The following NAALADL2 variants were observed in gnomAD, a reference collection of about 807,000 sequenced individuals.
NAALADL2 encodes the protein N-acetylated alpha-linked acidic dipeptidase like 2.
In NAALADL2, 76 loss-of-function variants were observed where a neutral mutation model predicts 87.2. That is an observed-to-expected ratio of 0.87 (90% confidence interval 0.72 to 1.05). NAALADL2 has a LOEUF of 1.05. Ranked by LOEUF, NAALADL2 falls within the 50% of genes least tolerant of loss-of-function variation. The pLI is 0.00. For synonymous variants in NAALADL2, 354 were observed against 331.0 expected, an observed-to-expected ratio of 1.07 and a Z score of -0.75; for missense variants, 1,089 against 945.8, an observed-to-expected ratio of 1.15 and a Z score of -1.99.
intron 1 of NAALADL2, among the ~76,000 whole-genome samples, chr3:174,452,614 C>T (rs1197632682): frequency 6.6e-6 from 1 of 152,052 alleles, no homozygotes; most frequent in African/African-American, 2.4e-5. Flanking sequence ...AAAATTGAGG[C>T]CCGATACAAG....
intron 3 of NAALADL2, among the ~76,000 whole-genome samples, chr3:175,234,698 C>A (rs1745527100): frequency 6.7e-6 from 1 of 150,180 alleles, no homozygotes; most frequent in South Asian, 2.1e-4. Context: ...AGTTCTTCAC[C>A]TTTTCTGGGT....
intron 5 of NAALADL2, among the ~76,000 whole-genome samples, chr3:175,423,028 AAT>A (rs71634273): frequency 8.1e-5 from 9 of 111,308 alleles, no homozygotes; most frequent in Middle Eastern, 5.4e-3. Flanking sequence ...GAAAAAAAAA[AAT>A]ATATATATAT....
intron 2 of NAALADL2, chr3:174,737,504 A>G (rs1444101462): frequency 6.6e-6 from 1 of 152,258 alleles, no homozygotes; most frequent in African/African-American, 2.4e-5. Flanking sequence ...AAGAAGTGAA[A>G]AATTTGTCTG....
chr3:175,486,023 A>G (rs1183965619), intron 9 of NAALADL2, among the ~76,000 whole-genome samples: 6 of 152,262 alleles, frequency 3.9e-5, no homozygotes, highest in African/African-American at 1.4e-4. Context: ...CCAGCCTTTC[A>G]GAACTGTGAG....
chr3:175,241,543 G>A (rs1344474994), intron 3 of NAALADL2, among the ~76,000 whole-genome samples: 1 of 152,000 alleles, frequency 6.6e-6, no homozygotes, highest in Non-Finnish European at 1.5e-5. Flanking sequence ...TTTCATATTT[G>A]AGAATAATAA....
intron 2 of NAALADL2, among the ~76,000 whole-genome samples, chr3:174,730,004 A>G (rs1732556445): frequency 6.6e-6 from 1 of 152,028 alleles, no homozygotes. Context: ...CTGGAGGTTG[A>G]TTCTAGAGGA....
chr3:175,763,799 C>T (rs1268907217), intron 13 of NAALADL2, among the ~76,000 whole-genome samples: 2 of 152,140 alleles, frequency 1.3e-5, no homozygotes, highest in Non-Finnish European at 2.9e-5. Flanking sequence ...AGCAGTTAAA[C>T]AGCAATAAGG....
intron 11 of NAALADL2, among the ~76,000 whole-genome samples, chr3:175,684,631 T>C (rs903148799): frequency 6.6e-6 from 1 of 151,932 alleles, no homozygotes; most frequent in African/African-American, 2.4e-5. Flanking sequence ...CCATCTCTAC[T>C]AAACAAACAA....
chr3:175,524,018 G>A (rs1001956447), intron 9 of NAALADL2, among the ~76,000 whole-genome samples: 2 of 152,104 alleles, frequency 1.3e-5, no homozygotes, highest in African/African-American at 4.8e-5. Flanking sequence ...GCTGTCACCC[G>A]ATTTCAAGGC....
intron 2 of NAALADL2, among the ~76,000 whole-genome samples, chr3:175,141,336 A>G (rs140663487): frequency 3.3e-5 from 5 of 152,088 alleles, no homozygotes; most frequent in African/African-American, 1.2e-4. Context: ...AGTTATGGGG[A>G]CCACTGTTGC....
At chr3:174,774,878 T>C (rs1206320362) in intron 3 of NAALADL2, among the ~76,000 whole-genome samples, 1 of 152,190 alleles carries the variant, frequency 6.6e-6, no homozygotes, top group Non-Finnish European at 1.5e-5. Flanking sequence ...TAAAACCTTA[T>C]GATTACACTT....
intron 5 of NAALADL2, among the ~76,000 whole-genome samples, chr3:175,422,061 G>A: frequency 6.6e-6 from 1 of 152,048 alleles, no homozygotes. Context: ...ATATTGAGGA[G>A]CCTGGATTTT....
intron 2 of NAALADL2, among the ~76,000 whole-genome samples, chr3:174,647,461 G>A (rs2108747234): frequency 6.6e-6 from 1 of 152,300 alleles, no homozygotes; most frequent in African/African-American, 2.4e-5. Context: ...AAGTAACTTG[G>A]TTTGAGCTAC....
chr3:175,077,945 C>G (rs1243266323), intron 1 of NAALADL2, among the ~76,000 whole-genome samples: 1 of 151,896 alleles, frequency 6.6e-6, no homozygotes, highest in East Asian at 1.9e-4. Context: ...ACCATTTTTG[C>G]TCTAGCCTAT....
At chr3:175,739,286 A>G (rs1347771317) in intron 12 of NAALADL2, among the ~76,000 whole-genome samples, 1 of 152,210 alleles carries the variant, frequency 6.6e-6, no homozygotes, top group Non-Finnish European at 1.5e-5. Flanking sequence ...TTTGTGGTTC[A>G]TATTTGTGAC....
In NAALADL2 at chr3:174,471,515, G is replaced by A. The variant is rs187976009; in HGVS notation, c.-184+30483G>A. Among the ~76,000 whole-genome samples the A allele has an allele frequency of 2.3e-3, 351 of 152,182 alleles. 1 individual carries two copies. Among genetic ancestry groups the A allele is most frequent in the African/African-American group, 7.7e-3 (318 of 41,552 alleles). The stretch of plus-strand genomic sequence containing the variant: ...CTGTTTTGAAACTACCTGATTGAGA[G>A]GTGATCCAGCCTATTGTTTTCTATT... On this transcript the variant is annotated intron_variant, in intron 1 of 3. Transcript: ENST00000434257.
Position 175,097,154 on chromosome 3 carries a change from T to C in NAALADL2, c.408T>C (p.Phe136=), listed in dbSNP as rs1296339327. 2.0e-5 allele frequency: 32 copies of C among 1,613,714 alleles called. No homozygotes were observed. The highest frequency in any genetic ancestry group is 2.6e-5 in the Non-Finnish European group (31 of 1,179,756). ...TACTTTGCACAGCCACCATTTTATT[T>C]ATTTTTGGGATTTTGATAGGTTATT... ...LKILCTATIL[F]IFGILIGYYV... is the part of the protein sequence containing the mutation. The change falls in exon 2 of 14, where the codon TTT becomes TTC. Residue 136 remains phenylalanine, a synonymous_variant. Transcript: ENST00000454872.
At chr3:175,390,722 A>G (rs1426459763) in intron 5 of NAALADL2, among the ~76,000 whole-genome samples, 1 of 152,170 alleles carries the variant, frequency 6.6e-6, no homozygotes. Context: ...AACTCCCTTT[A>G]TAAACATAAA....
chr3:175,410,830 T>C (rs1368545483), intron 5 of NAALADL2, among the ~76,000 whole-genome samples: 1 of 152,164 alleles, frequency 6.6e-6, no homozygotes, highest in African/African-American at 2.4e-5. Flanking sequence ...TAGGTTACGA[T>C]GCTGTGAAAG....
Sources: allele counts gnomAD v4.1 joint callset (sites outside exome capture counted in the v4.1 genomes callset), GRCh38; gene constraint gnomAD v4.1.1; transcripts MANE v1.5; gene names NCBI Gene and HGNC (gene_info 2026-07-23, HGNC 2026-07-21).